GRIA4: variants seen among roughly 807,000 people sequenced by gnomAD.
GRIA4 encodes glutamate ionotropic receptor AMPA type subunit 4.
A neutral mutation model predicts 104.0 loss-of-function variants in GRIA4; 34 were observed. The observed-to-expected ratio is 0.33, with a 90% CI of 0.25 to 0.44. The LOEUF (loss-of-function observed/expected upper bound fraction) is 0.44. GRIA4 is among the 20% of genes least tolerant of loss of function. The pLI is 1.00. For missense variants in GRIA4, 750 were observed against 1,096.5 expected, an observed-to-expected ratio of 0.68 and a Z score of 4.46; for synonymous variants, 386 against 381.9, an observed-to-expected ratio of 1.01 and a Z score of -0.13.
At chr11:105,711,833 G>A (rs1953922328) in intron 3 of GRIA4, among the ~76,000 whole-genome samples, 1 of 152,000 alleles carries the variant, frequency 6.6e-6, no homozygotes, top group South Asian at 2.1e-4. Context: ...TTCCATTCTG[G>A]CTCAGGAATC....
At chr11:105,924,313 G>C in intron 11 of GRIA4, 86 bp from the exon 12 acceptor site, 1 of 953,094 alleles carries the variant, frequency 1.0e-6, no homozygotes, top group Non-Finnish European at 1.6e-6. Flanking sequence ...ACGCATGACT[G>C]GTTAGCTTTA....
chr11:105,720,386 A>C (rs1236169986), intron 3 of GRIA4, among the ~76,000 whole-genome samples: 1 of 152,136 alleles, frequency 6.6e-6, no homozygotes, highest in African/African-American at 2.4e-5. Context: ...AGGAGACTTA[A>C]AACAAAATGG....
chr11:105,827,264 A>C (rs980471460), intron 4 of GRIA4, among the ~76,000 whole-genome samples: 1 of 152,054 alleles, frequency 6.6e-6, no homozygotes, highest in South Asian at 2.1e-4. Flanking sequence ...ACTAAGAATC[A>C]AGAAAATATT....
chr11:105,624,770 C>G (rs73632926), intron 3 of GRIA4, among the ~76,000 whole-genome samples: 2,437 of 152,022 alleles, frequency 0.016, 66 homozygotes, highest in African/African-American at 0.055. Context: ...TCTGTTAAGT[C>G]AAAATGTTAC....
chr11:105,673,944 C>T (rs1290987506), intron 3 of GRIA4, among the ~76,000 whole-genome samples: 1 of 151,810 alleles, frequency 6.6e-6, no homozygotes, highest in African/African-American at 2.4e-5. Context: ...TTTTTAAATG[C>T]AAATGAATTT....
intron 8 of GRIA4, among the ~76,000 whole-genome samples, chr11:105,904,768 T>G (rs1220806831): frequency 6.6e-6 from 1 of 152,166 alleles, no homozygotes; most frequent in Non-Finnish European, 1.5e-5. Context: ...GTCCTTATAC[T>G]TTTTGCTTCT....
At chr11:105,845,788 G>A (rs980729464) in intron 4 of GRIA4, among the ~76,000 whole-genome samples, 2 of 152,132 alleles carry the variant, frequency 1.3e-5, no homozygotes, top group African/African-American at 4.8e-5. Context: ...GGAGGCTGAG[G>A]CAGGAGCCTC....
chr11:105,783,705 C>G lies in GRIA4; in HGVS notation c.487+30485C>G, dbSNP rs1941827924. On this transcript the variant is annotated intron_variant, in intron 4 of 16. Coordinates refer to ENST00000282499, the MANE Select transcript of GRIA4 (RefSeq NM_000829.4). ...CTACACTTTTCAAAAAATGACAGAC[C>G]TTGAAATAAAAAGAGATAAAACAGA... 2.0e-5 allele frequency among the ~76,000 whole-genome samples: 3 copies of G among 150,054 alleles called. No homozygotes were observed. In the South Asian group the frequency reaches 6.3e-4, roughly 32 times the overall value.
intron 16 of GRIA4, 139 bp downstream of exon 16, chr11:105,974,583 A>G: frequency 6.2e-7 from 1 of 1,603,670 alleles, no homozygotes; most frequent in Non-Finnish European, 8.5e-7. Flanking sequence ...GACTACAGTG[A>G]GTGGGGGATG....
At chr11:105,743,085 T>TG (rs1939418175) in intron 3 of GRIA4, among the ~76,000 whole-genome samples, 2 of 152,222 alleles carry the variant, frequency 1.3e-5, no homozygotes, top group East Asian at 3.9e-4. Flanking sequence ...CATTTTCTTA[T>TG]CACTATGTTT....
At chr11:105,783,643 T>C (rs1349579777) in intron 4 of GRIA4, among the ~76,000 whole-genome samples, 1 of 152,164 alleles carries the variant, frequency 6.6e-6, no homozygotes, top group African/African-American at 2.4e-5. Flanking sequence ...ACATTGGATA[T>C]TTTTCACTCA....
chr11:105,663,256 A>G (rs776956599), intron 3 of GRIA4, among the ~76,000 whole-genome samples: 1 of 151,964 alleles, frequency 6.6e-6, no homozygotes, highest in African/African-American at 2.4e-5. Context: ...TAATTTAAAA[A>G]TTAAGAAAAT....
chr11:105,610,192 C>A lies in GRIA4; in HGVS notation c.-327C>A, dbSNP rs911033080. The A allele has an allele frequency of 6.6e-6, 1 of 150,454 alleles. No individual in the cohort carries two copies. Among genetic ancestry groups the A allele is most frequent in the African/African-American group, 2.5e-5 (1 of 39,636 alleles). 9.3% of individuals were successfully genotyped at this position (150,454 alleles called of 1,614,324 possible). On this transcript the variant is annotated 5_prime_UTR_variant, in exon 1 of 17. Transcript: ENST00000282499. ...GCCTGGGGGCATGGGGAGGTACTAACCCCCCGGAGCCCCCGATTGGGGCTT... is the reference window on the plus strand; with the variant it reads ...GCCTGGGGGCATGGGGAGGTACTAAACCCCCGGAGCCCCCGATTGGGGCTT...
At chr11:105,629,023 G>A (rs1223248239) in intron 3 of GRIA4, among the ~76,000 whole-genome samples, 3 of 146,936 alleles carry the variant, frequency 2.0e-5, no homozygotes, top group African/African-American at 5.0e-5. Context: ...AAATTATATC[G>A]TATCATATTT....
At chr11:105,690,855 G>T (rs925621132) in intron 3 of GRIA4, among the ~76,000 whole-genome samples, 1 of 152,064 alleles carries the variant, frequency 6.6e-6, no homozygotes, top group Non-Finnish European at 1.5e-5. Flanking sequence ...AGTTATTAAG[G>T]AATCATAATC....
At chr11:105,974,679 C>CA (rs1858884788) in intron 16 of GRIA4, 1 of 973,934 alleles carries the variant, frequency 1.0e-6, no homozygotes, top group Non-Finnish European at 1.5e-6. Flanking sequence ...TTGAAAACTT[C>CA]AGTGCAAATT....
chr11:105,935,236 C>T (rs1947999480), intron 14 of GRIA4, among the ~76,000 whole-genome samples: 2 of 151,922 alleles, frequency 1.3e-5, no homozygotes, highest in African/African-American at 4.8e-5. Flanking sequence ...TATAGTATGT[C>T]ACAAAAAGTA....
intron 5 of GRIA4, among the ~76,000 whole-genome samples, chr11:105,886,689 T>C (rs891024523): frequency 3.9e-5 from 6 of 152,190 alleles, no homozygotes; most frequent in African/African-American, 1.4e-4. Flanking sequence ...ATTGTGGCTT[T>C]CACTGTTATC....
intron 5 of GRIA4, among the ~76,000 whole-genome samples, chr11:105,866,535 A>ATG (rs71041632): frequency 5.8e-4 from 61 of 105,308 alleles, no homozygotes; most frequent in African/African-American, 1.1e-3. Context: ...ATATACGCAT[A>ATG]TGTGTGTGTG....
Sources: gnomAD v4.1 joint callset for allele counts (sites outside exome capture counted in the v4.1 genomes callset) on GRCh38, gnomAD v4.1.1 for gene constraint, MANE v1.5 for transcripts, NCBI Gene and HGNC (gene_info 2026-07-23, HGNC 2026-07-21) for gene names.